HTT-AS: variants seen among roughly 807,000 people sequenced by gnomAD.
The protein encoded by HTT-AS is HTT antisense RNA (head to head).
Position 3,059,920 on chromosome 4 carries a change from T to G in HTT-AS, n.1380+2514A>C, listed in dbSNP as rs532492265. Among the ~76,000 whole-genome samples the G allele has an allele frequency of 2.5e-3, 376 of 149,826 alleles. 9 individuals carry two copies. The highest frequency in any genetic ancestry group is 8.9e-3 in the African/African-American group (360 of 40,676). ...GCTTTAACATCTTTGTCCCTGTGTT[T>G]TTTGTTTTTTTTTTTGAGACGGAGT... On this transcript the variant is annotated intron_variant and non_coding_transcript_variant, in intron 2 of 2. Coordinates refer to ENST00000664062, the Ensembl canonical transcript of HTT-AS.
intron 1 of HTT-AS, among the ~76,000 whole-genome samples, chr4:3,073,491 G>A (rs1712248121): frequency 6.6e-6 from 1 of 152,234 alleles, no homozygotes; most frequent in Admixed American, 6.5e-5. Context: ...TCAGAGCAGG[G>A]GTGCACTCCC....
intron 2 of HTT-AS, among the ~76,000 whole-genome samples, chr4:3,053,840 C>CTA (rs1711757045): frequency 6.7e-6 from 1 of 149,570 alleles, no homozygotes; most frequent in East Asian, 2.0e-4. Context: ...CTCACTACAA[C>CTA]GTCTGCCTCT....
At chr4:3,048,047 G>A (rs200761321), downstream of HTT-AS, among the ~76,000 whole-genome samples, 14 of 152,244 alleles carry the variant, frequency 9.2e-5, no homozygotes, top group East Asian at 2.7e-3. Context: ...TATCCAATAA[G>A]TAACAGGGCA....
chr4:3,066,457 C>T (rs1421235640), intron 1 of HTT-AS, among the ~76,000 whole-genome samples: 4 of 152,058 alleles, frequency 2.6e-5, no homozygotes, highest in South Asian at 4.1e-4. Context: ...CGTGACCCAC[C>T]GTGCCCCGTC....
chr4:3,053,416 C>A (rs1711749027), intron 2 of HTT-AS, among the ~76,000 whole-genome samples: 1 of 152,122 alleles, frequency 6.6e-6, no homozygotes, highest in South Asian at 2.1e-4. Context: ...GCTGGTAATC[C>A]CAGCTACTCA....
At chr4:3,053,361 C>T (rs968754595) in intron 2 of HTT-AS, among the ~76,000 whole-genome samples, 8 of 152,078 alleles carry the variant, frequency 5.3e-5, no homozygotes, top group South Asian at 2.1e-4. Flanking sequence ...GGCGAAACCC[C>T]GTCTCCACTA....
At chr4:3,058,846 A>G (rs1009842700) in intron 2 of HTT-AS, among the ~76,000 whole-genome samples, 1 of 151,820 alleles carries the variant, frequency 6.6e-6, no homozygotes, top group East Asian at 1.9e-4. Flanking sequence ...CAGCCTCCCG[A>G]GTAGCTGGGA....
rs1361053881 is a variant in HTT-AS at position 3,071,798 on chromosome 4, G to T, written n.113+2628C>A. 2.6e-5 allele frequency among the ~76,000 whole-genome samples: 4 copies of T among 152,280 alleles called. No individual in the cohort carries two copies. In the South Asian group the frequency reaches 6.2e-4, roughly 24 times the overall value. ...ATTAGGACACGGACATGCTCAGAGGGACGGCCACGTGAGGACACCAAGAAA... is the reference window on the plus strand; with the variant it reads ...ATTAGGACACGGACATGCTCAGAGGTACGGCCACGTGAGGACACCAAGAAA... On this transcript the variant is annotated intron_variant and non_coding_transcript_variant, in intron 1 of 2. Coordinates refer to ENST00000664062, the Ensembl canonical transcript of HTT-AS.
At chr4:3,046,891 T>C (rs1013733057), downstream of HTT-AS, among the ~76,000 whole-genome samples, 5 of 152,096 alleles carry the variant, frequency 3.3e-5, no homozygotes, top group African/African-American at 1.2e-4. Context: ...TTTATTTTAA[T>C]AAATTCCCCT....
intron 2 of HTT-AS, among the ~76,000 whole-genome samples, chr4:3,061,986 T>TAAAAAA (rs548695397): frequency 4.7e-5 from 3 of 63,406 alleles, no homozygotes; most frequent in Non-Finnish European, 6.5e-5. Context: ...TATCTCAAAT[T>TAAAAAA]AAAAAAAAAA....
chr4:3,068,305 CAAAAAAAAAAA>C (rs759119862), intron 1 of HTT-AS, among the ~76,000 whole-genome samples: 2 of 13,082 alleles, frequency 1.5e-4, no homozygotes, highest in East Asian at 2.4e-3. Context: ...GACTCTGTCT[CAAAAAAAAAAA>C]AAAAAAAAAA....
chr4:3,047,360 A>T (rs867028314), downstream of HTT-AS, among the ~76,000 whole-genome samples: 1 of 152,244 alleles, frequency 6.6e-6, no homozygotes, highest in African/African-American at 2.4e-5. Flanking sequence ...GAATAGTTAT[A>T]CTAGAAATAG....
At chr4:3,054,527 T>G (rs1711771170) in intron 2 of HTT-AS, among the ~76,000 whole-genome samples, 1 of 152,130 alleles carries the variant, frequency 6.6e-6, no homozygotes, top group Non-Finnish European at 1.5e-5. Flanking sequence ...TTTGCCTAGT[T>G]TAGAGGGTTA....
chr4:3,047,964 T>C (rs1180802389), downstream of HTT-AS, among the ~76,000 whole-genome samples: 1 of 152,214 alleles, frequency 6.6e-6, no homozygotes, highest in African/African-American at 2.4e-5. Context: ...CCCTGTCCGG[T>C]GGACACGTGA....
At chr4:3,060,214 A>G (rs1711899604) in intron 2 of HTT-AS, among the ~76,000 whole-genome samples, 1 of 152,110 alleles carries the variant, frequency 6.6e-6, no homozygotes, top group Non-Finnish European at 1.5e-5. Flanking sequence ...CAATTTTAAG[A>G]AGTCCTCATT....
At chr4:3,070,370 A>G (rs1038911655) in intron 1 of HTT-AS, among the ~76,000 whole-genome samples, 3 of 151,032 alleles carry the variant, frequency 2.0e-5, no homozygotes, top group Admixed American at 2.0e-4. Flanking sequence ...AGCTCACTGC[A>G]ACCTCCGCCT....
At chr4:3,064,731 G>C (rs1329209146) in intron 1 of HTT-AS, among the ~76,000 whole-genome samples, 1 of 152,188 alleles carries the variant, frequency 6.6e-6, no homozygotes, top group Non-Finnish European at 1.5e-5. Flanking sequence ...ACACCTTAGA[G>C]AGCAAATAAA....
At chr4:3,049,474 C>T (rs1369940876) in exon 3 of HTT-AS, among the ~76,000 whole-genome samples, 2 of 152,024 alleles carry the variant, frequency 1.3e-5, no homozygotes, top group South Asian at 2.1e-4. Flanking sequence ...TCTTGATCCA[C>T]GATCTTAGCA....
intron 2 of HTT-AS, among the ~76,000 whole-genome samples, chr4:3,055,130 C>T (rs183947569): frequency 5.9e-5 from 9 of 151,980 alleles, no homozygotes; most frequent in East Asian, 2.0e-4. Context: ...AGGTAGATCA[C>T]GAGGTCAGGA....
Sources: gnomAD v4.1 joint callset for allele counts (sites outside exome capture counted in the v4.1 genomes callset) on GRCh38, gnomAD v4.1.1 for gene constraint, MANE v1.5 for transcripts, NCBI Gene and HGNC (gene_info 2026-07-23, HGNC 2026-07-21) for gene names.